Variants in VAV2 observed in about 807,000 individuals in gnomAD.
The protein encoded by VAV2 is vav guanine nucleotide exchange factor 2.
In VAV2, 67 loss-of-function variants were observed where a neutral mutation model predicts 132.5. The observed-to-expected ratio is 0.51, with a 90% CI of 0.42 to 0.62. The LOEUF (loss-of-function observed/expected upper bound fraction) is 0.62, where lower values mean the gene tolerates loss of function less well. Ranked by LOEUF, VAV2 falls within the 20% of genes least tolerant of loss-of-function variation. VAV2 has a pLI of 0.00. For synonymous variants in VAV2, 492 were observed against 443.5 expected (o/e 1.11, Z -1.37); for missense variants, 938 against 1,153.6 (o/e 0.81, Z 2.71).
chr9:133,863,025 G>A lies in VAV2; in HGVS notation c.322-1593C>T, dbSNP rs1194082328. 3.3e-5 allele frequency among the ~76,000 whole-genome samples: 5 copies of A among 152,150 alleles called. No individual in the cohort carries two copies. The highest frequency in any genetic ancestry group is 2.9e-5 in the Non-Finnish European group (2 of 68,032). ...TTCTGTGCTTCCTCACACAAGACTC[G>A]ATGGGCCCATTATGCGGCCAGCCCA... On this transcript the variant is annotated intron_variant, in intron 2 of 29. Coordinates refer to ENST00000371850, the MANE Select transcript of VAV2 (RefSeq NM_001134398.2). This position sits in a 1 kb window ranked among gnomAD's most constrained non-coding sequence, Gnocchi z 5.0.
intron 3 of VAV2, among the ~76,000 whole-genome samples, chr9:133,853,389 C>A (rs973803093): frequency 3.9e-5 from 6 of 152,102 alleles, no homozygotes; most frequent in Non-Finnish European, 7.4e-5. Flanking sequence ...GGACACTAGG[C>A]CAGGTCTAGT....
At chr9:133,868,332 T>C (rs368611785) in intron 2 of VAV2, among the ~76,000 whole-genome samples, 20 of 152,352 alleles carry the variant, frequency 1.3e-4, no homozygotes, top group African/African-American at 4.1e-4. Flanking sequence ...ATGAGTCTTC[T>C]GGTTCTGGCC....
rs982181979 is a variant in VAV2, at chr9:133,823,032, C to T, written c.450-10816G>A. Among the ~76,000 whole-genome samples, 3 of 152,230 alleles carry T rather than the reference C, an allele frequency of 2.0e-5. No homozygotes were observed. Among genetic ancestry groups the T allele is most frequent in the African/African-American group, 7.2e-5 (3 of 41,462 alleles). On this transcript the variant is annotated intron_variant, in intron 4 of 29. Coordinates refer to ENST00000371850, the MANE Select transcript of VAV2 (RefSeq NM_001134398.2). The surrounding 1 kb of genome is among the most constrained non-coding windows in gnomAD (Gnocchi z 5.5). ...TGAAGCGGCAAAGCCCAGGGCCTGG[C>T]TCTCAGGGGACAGGAGCAGGGATTG...
At chr9:133,790,654 C>T (rs1176697285) in intron 13 of VAV2, among the ~76,000 whole-genome samples, 3 of 152,222 alleles carry the variant, frequency 2.0e-5, no homozygotes. Context: ...CGTCCTTGGC[C>T]TCCTCTGCAC....
intron 25 of VAV2, among the ~76,000 whole-genome samples, chr9:133,772,807 C>T (rs1392190882): frequency 3.3e-5 from 5 of 152,204 alleles, no homozygotes; most frequent in South Asian, 4.1e-4. Context: ...ACTGTACGAA[C>T]GCCACGGAGT....
chr9:133,789,433 G>A (rs548036932), intron 13 of VAV2, 90 bp from the exon 14 acceptor site: 2 of 1,229,066 alleles, frequency 1.6e-6, no homozygotes, highest in East Asian at 2.3e-5. Flanking sequence ...GTGCACCCAA[G>A]GGAACTCCCC....
intron 2 of VAV2, among the ~76,000 whole-genome samples, chr9:133,868,321 A>C (rs1050962338): frequency 6.6e-6 from 1 of 152,192 alleles, no homozygotes; most frequent in African/African-American, 2.4e-5. Flanking sequence ...AAGGAAGAGA[A>C]ATGAGTCTTC....
intron 1 of VAV2, among the ~76,000 whole-genome samples, chr9:133,940,283 G>A (rs144698847): frequency 1.1e-3 from 162 of 152,286 alleles, no homozygotes; most frequent in Non-Finnish European, 1.8e-3. Context: ...CGAGGGGAGG[G>A]TGTGGCACAC....
At chr9:133,979,394 G>A (rs893906970) in intron 1 of VAV2, among the ~76,000 whole-genome samples, 2 of 152,126 alleles carry the variant, frequency 1.3e-5, no homozygotes, top group East Asian at 1.9e-4. Context: ...GGAATGTGTC[G>A]GCCGCTCAGT....
At chr9:133,880,633 A>T (rs147887138) in intron 2 of VAV2, among the ~76,000 whole-genome samples, 25 of 152,300 alleles carry the variant, frequency 1.6e-4, no homozygotes, top group Admixed American at 2.6e-4. Flanking sequence ...CAGAGGACAT[A>T]AAGGGGAAAC....
chr9:133,882,762 G>T (rs1564433032), intron 2 of VAV2, among the ~76,000 whole-genome samples: 3 of 152,174 alleles, frequency 2.0e-5, no homozygotes, highest in African/African-American at 7.2e-5. Context: ...ACAGCGCTCA[G>T]CCCTTCAGAG....
chr9:133,968,201 G>C (rs1335055889), intron 1 of VAV2, among the ~76,000 whole-genome samples: 1 of 152,114 alleles, frequency 6.6e-6, no homozygotes, highest in Non-Finnish European at 1.5e-5. Context: ...GAGAGGACGT[G>C]AAATGTTCCC....
rs375726025 is a variant in VAV2 at position 133,869,449 on chromosome 9, T to TA, written c.322-8018dup. Among the ~76,000 whole-genome samples the TA allele has an allele frequency of 3.7e-3, 503 of 134,202 alleles. 5 individuals carry two copies. Among genetic ancestry groups the TA allele is most frequent in the African/African-American group, 0.013 (411 of 32,640 alleles). The allele number at this position is 134,202 out of a possible 152,430, so 88.0% of individuals were successfully genotyped here. On this transcript the variant is annotated intron_variant, in intron 2 of 29. Transcript: ENST00000371850. Reference sequence around the variant, plus strand: ...AACAAAACTCTATCTCTACAAAAAATAAAAAAAAAAAATAACCAGATGTGG... The same window carrying TA: ...AACAAAACTCTATCTCTACAAAAAATAAAAAAAAAAAAATAACCAGATGTGG...
chr9:133,992,069 G>T lies in VAV2; in HGVS notation c.204+6C>A, dbSNP rs1257689784. 7 of 1,549,786 alleles carry T rather than the reference G, an allele frequency of 4.5e-6. No individual in the cohort carries two copies. Among genetic ancestry groups the T allele is most frequent in the Non-Finnish European group, 5.2e-6 (6 of 1,149,440 alleles). On this transcript the variant is annotated splice_donor_region_variant and intron_variant, in intron 1 of 29. Transcript: ENST00000371850. The surrounding 1 kb of genome is among the most constrained non-coding windows in gnomAD (Gnocchi z 5.5). Reference sequence around the variant, plus strand: ...CCCGGGGCCCTCCCGCCCGCCGGGCGCTCACCTGGGACATCTGCGGCCGGA... The same window carrying T: ...CCCGGGGCCCTCCCGCCCGCCGGGCTCTCACCTGGGACATCTGCGGCCGGA...
intron 3 of VAV2, among the ~76,000 whole-genome samples, chr9:133,852,661 C>T (rs1322258816): frequency 2.6e-5 from 4 of 152,076 alleles, no homozygotes; most frequent in Admixed American, 2.0e-4. Flanking sequence ...GCCAGGCTGC[C>T]AGCCCTGCTT....
chr9:133,790,575 T>C (rs994980582), intron 13 of VAV2, among the ~76,000 whole-genome samples: 1 of 152,192 alleles, frequency 6.6e-6, no homozygotes, highest in Non-Finnish European at 1.5e-5. Flanking sequence ...CTGTACGCAT[T>C]TGTGACCGCC....
chr9:133,811,207 G>T (rs1020785489), intron 5 of VAV2, among the ~76,000 whole-genome samples: 3 of 152,224 alleles, frequency 2.0e-5, no homozygotes, highest in African/African-American at 7.2e-5. Flanking sequence ...AGAGAAACCT[G>T]CTCTTAACAG....
intron 3 of VAV2, among the ~76,000 whole-genome samples, chr9:133,858,148 G>C (rs55646136): frequency 2.6e-5 from 4 of 152,162 alleles, no homozygotes; most frequent in East Asian, 1.9e-4. Flanking sequence ...CTGCCAGATA[G>C]GCCCTCCGGA....
At chr9:133,793,869 G>A (rs1415157913) in intron 12 of VAV2, among the ~76,000 whole-genome samples, 1 of 152,120 alleles carries the variant, frequency 6.6e-6, no homozygotes, top group Non-Finnish European at 1.5e-5. Flanking sequence ...GTACAGCGAC[G>A]ACTCCCATAG....
Sources: allele counts gnomAD v4.1 joint callset (sites outside exome capture counted in the v4.1 genomes callset), GRCh38; gene constraint gnomAD v4.1.1; non-coding constraint Gnocchi (gnomAD v3.1); transcripts MANE v1.5; gene names NCBI Gene and HGNC (gene_info 2026-07-23, HGNC 2026-07-21).